The following PUS10 variants were observed in gnomAD, a reference collection of about 807,000 sequenced individuals.
PUS10 encodes tRNA pseudouridine synthase Pus10.
Under a neutral mutation model 75.0 loss-of-function variants are expected in PUS10, and 59 were observed. The ratio of observed to expected loss-of-function variants is 0.79; its 90% CI spans 0.64 to 0.98. The LOEUF is 0.98. Ranked by LOEUF, PUS10 falls within the 50% of genes least tolerant of loss-of-function variation. The pLI is 0.00. For missense variants in PUS10, 650 were observed against 614.4 expected (o/e 1.06, Z -0.61); for synonymous variants, 219 against 211.6 (o/e 1.03, Z -0.30).
intron 7 of PUS10, 24 bp downstream of exon 7, chr2:60,965,399 G>GACGTTGTT (rs751066809): frequency 1.5e-5 from 23 of 1,582,346 alleles, no homozygotes; most frequent in Non-Finnish European, 6.1e-6. Context: ...TTACACCATT[G>GACGTTGTT]ACGTTGTTTA....
At chr2:61,017,955 T>C in intron 1 of PUS10, 53 bp downstream of exon 1, 1 of 1,364,646 alleles carries the variant, frequency 7.3e-7, no homozygotes, top group Non-Finnish European at 1.0e-6. Flanking sequence ...TTCCCCCCTT[T>C]AACCAATACC....
intron 4 of PUS10, among the ~76,000 whole-genome samples, chr2:60,984,476 C>T (rs1394992312): frequency 2.0e-5 from 3 of 152,134 alleles, no homozygotes; most frequent in Middle Eastern, 3.2e-3. Flanking sequence ...TAAACTGGTA[C>T]CACCTTTTAG....
chr2:60,960,728 A>G (rs904098121), intron 10 of PUS10, among the ~76,000 whole-genome samples: 2 of 151,964 alleles, frequency 1.3e-5, no homozygotes, highest in Admixed American at 6.6e-5. Flanking sequence ...AATAAAATAG[A>G]TGGGTAAATA....
At chr2:61,007,351 A>C (rs1679283664) in intron 3 of PUS10, among the ~76,000 whole-genome samples, 1 of 152,092 alleles carries the variant, frequency 6.6e-6, no homozygotes, top group South Asian at 2.1e-4. Flanking sequence ...AGTCCCAGCT[A>C]CTTGGGAGGC....
intron 5 of PUS10, among the ~76,000 whole-genome samples, chr2:60,970,654 C>CA (rs1553408162): frequency 2.2e-4 from 33 of 149,780 alleles, no homozygotes; most frequent in Non-Finnish European, 3.3e-4. Flanking sequence ...AGAGCCTGGG[C>CA]GGGGGAGGGG....
chr2:60,944,803 T>C (rs1439475934), intron 17 of PUS10, among the ~76,000 whole-genome samples: 1 of 152,038 alleles, frequency 6.6e-6, no homozygotes. Flanking sequence ...AAATTAGCTA[T>C]ATATTTTCAA....
chr2:60,982,465 G>A (rs1157958981), intron 4 of PUS10, among the ~76,000 whole-genome samples: 1 of 151,984 alleles, frequency 6.6e-6, no homozygotes, highest in African/African-American at 2.4e-5. Flanking sequence ...GTTTTGCAAT[G>A]TTGGCCAGGC....
intron 11 of PUS10, among the ~76,000 whole-genome samples, chr2:60,956,503 T>C (rs1675661782): frequency 6.6e-6 from 1 of 152,020 alleles, no homozygotes; most frequent in Non-Finnish European, 1.5e-5. Flanking sequence ...CTCAAAGAAA[T>C]AAGTCTACTA....
chr2:61,014,191 C>A (rs1007054243), intron 1 of PUS10, among the ~76,000 whole-genome samples: 1 of 152,068 alleles, frequency 6.6e-6, no homozygotes, highest in South Asian at 2.1e-4. Flanking sequence ...CTGGCCAACA[C>A]GGTAAAACCC....
intron 4 of PUS10, among the ~76,000 whole-genome samples, chr2:60,996,316 G>A (rs1408920795): frequency 6.6e-6 from 1 of 152,154 alleles, no homozygotes; most frequent in Non-Finnish European, 1.5e-5. Flanking sequence ...TATAGACCTT[G>A]ACTAATCACA....
intron 4 of PUS10, among the ~76,000 whole-genome samples, chr2:61,004,403 T>C (rs1206227188): frequency 6.6e-6 from 1 of 152,050 alleles, no homozygotes; most frequent in Non-Finnish European, 1.5e-5. Context: ...GGCGGGCAGA[T>C]CATGAGGTCA....
At chr2:60,997,349 G>A (rs369696196) in intron 4 of PUS10, among the ~76,000 whole-genome samples, 2 of 152,162 alleles carry the variant, frequency 1.3e-5, no homozygotes, top group South Asian at 4.1e-4. Flanking sequence ...GGTGGCTCAC[G>A]CCTGTACTCC....
chr2:60,997,534 C>T (rs1313741645), intron 4 of PUS10, among the ~76,000 whole-genome samples: 10 of 143,022 alleles, frequency 7.0e-5, no homozygotes, highest in Admixed American at 4.4e-4. Flanking sequence ...GGCGTGAACC[C>T]GGGAGGCGGG....
At chr2:61,015,835 G>A (rs572134684) in intron 1 of PUS10, among the ~76,000 whole-genome samples, 19 of 152,160 alleles carry the variant, frequency 1.2e-4, no homozygotes, top group Admixed American at 3.3e-4. Context: ...GCGAATATAA[G>A]CATTTACAGT....
Position 60,970,841 on chromosome 2 carries a change from C to T in PUS10, c.503+682G>A, listed in dbSNP as rs547419581. Among the ~76,000 whole-genome samples the T allele has an allele frequency of 1.9e-3, 289 of 152,194 alleles. 3 individuals carry two copies. The highest frequency in any genetic ancestry group is 3.1e-3 in the Admixed American group (47 of 15,276). On this transcript the variant is annotated intron_variant, in intron 5 of 17. Transcript: ENST00000316752. ...GTTCCACCAGTTATTTACTTTTTATCTTTTATGACATAGTTTTATAGTTTA... is the reference window on the plus strand; with the variant it reads ...GTTCCACCAGTTATTTACTTTTTATTTTTTATGACATAGTTTTATAGTTTA...
Position 60,942,321 on chromosome 2 carries a change from A to T in PUS10, c.*74T>A, listed in dbSNP as rs1207502372. On this transcript the variant is annotated 3_prime_UTR_variant, in exon 18 of 18. Coordinates refer to ENST00000316752, the MANE Select transcript of PUS10 (RefSeq NM_144709.4). The stretch of plus-strand genomic sequence containing the variant: ...ACACCGTTATGGTGGGTAAACAGCC[A>T]TTTTACGGCATGTGCTCCATGGATG... The T allele has an allele frequency of 1.6e-6, 2 of 1,253,778 alleles. No homozygotes were observed. The highest frequency in any genetic ancestry group is 2.3e-6 in the Non-Finnish European group (2 of 851,384). The allele number at this position is 1,253,778 out of a possible 1,614,324, so 77.7% of individuals were successfully genotyped here.
In PUS10 at chr2:60,994,887, G is replaced by A. The variant is rs183689897; in HGVS notation, c.468+11670C>T. Among the ~76,000 whole-genome samples, 118 of 152,286 alleles carry A rather than the reference G, an allele frequency of 7.7e-4. 2 individuals are homozygous for A. Among genetic ancestry groups the A allele is most frequent in the Admixed American group, 5.6e-3 (85 of 15,298 alleles). On this transcript the variant is annotated intron_variant, in intron 4 of 17. Transcript: ENST00000316752. The stretch of plus-strand genomic sequence containing the variant: ...GCGGATCACCTGAGGTCAGGAGTTT[G>A]AGACCAGCCTGGCCAACAAGGCAAA...
Position 61,008,761 on chromosome 2 carries a change from C to T in PUS10, c.381G>A (p.Lys127=), listed in dbSNP as rs761845491. Residue 127 remains lysine (K), a splice_region_variant and synonymous_variant, in exon 3 of 18, where the codon AAG becomes AAA. Coordinates refer to ENST00000316752, the MANE Select transcript of PUS10 (RefSeq NM_144709.4). ...CTATAATGAAAAACAGGTTATTTAC[C>T]TTTTTAATGAAATCTTTCTCACAGA... ...QEFCEKDFIK[K]VCQKVEASGF... 1.3e-6 allele frequency: 2 copies of T among 1,562,682 alleles called. No individual in the cohort carries two copies. The highest frequency in any genetic ancestry group is 1.4e-5 in the African/African-American group (1 of 72,988).
intron 4 of PUS10, among the ~76,000 whole-genome samples, chr2:60,981,906 G>A (rs926060551): frequency 6.6e-6 from 1 of 152,018 alleles, no homozygotes. Flanking sequence ...CCCCTTGCAA[G>A]GACTTCTAGG....
Sources: gnomAD v4.1 joint callset for allele counts (sites outside exome capture counted in the v4.1 genomes callset) on GRCh38, gnomAD v4.1.1 for gene constraint, MANE v1.5 for transcripts, NCBI Gene and HGNC (gene_info 2026-07-23, HGNC 2026-07-21) for gene names.